Variants in METTL15 observed in about 807,000 individuals in gnomAD.
The protein encoded by METTL15 is methyltransferase 15, mitochondrial 12S rRNA N4-cytidine.
METTL15 carries 34 observed loss-of-function variants against 38.3 expected under a neutral mutation model. The observed-to-expected ratio is 0.89, with a 90% CI of 0.68 to 1.18. The LOEUF is 1.18. Ranked by LOEUF, METTL15 falls within the 50% of genes most tolerant of loss-of-function variation. The pLI, the probability that METTL15 is intolerant of heterozygous loss-of-function variation, is 0.00. For missense variants in METTL15, 438 were observed against 498.4 expected (o/e 0.88, Z 1.15); for synonymous variants, 162 against 170.9 (o/e 0.95, Z 0.41).
intron 4 of METTL15, among the ~76,000 whole-genome samples, chr11:28,228,304 T>A (rs1228885016): frequency 6.6e-6 from 1 of 151,810 alleles, no homozygotes; most frequent in Non-Finnish European, 1.5e-5. Flanking sequence ...GCTTTTTCTT[T>A]TAACTTCAGC....
chr11:28,528,816 A>T (rs1030743922), downstream of METTL15, among the ~76,000 whole-genome samples: 1 of 152,202 alleles, frequency 6.6e-6, no homozygotes, highest in African/African-American at 2.4e-5. Flanking sequence ...TTTAAAATAG[A>T]GGAAATGCTG....
rs1484964935 is a variant in METTL15 at position 28,241,327 on chromosome 11, A to G, written c.407+30129A>G. Among the ~76,000 whole-genome samples, 4 of 152,158 alleles carry G rather than the reference A, an allele frequency of 2.6e-5. No homozygotes were observed. The East Asian group carries it at 5.8e-4, about 22-fold the overall frequency. On this transcript the variant is annotated intron_variant, in intron 4 of 6. Transcript: ENST00000407364. ...GGCAGGCGGATCGCAAGGTCAGGAGATCAAGACCATCCTGGCTAATAAGGT... is the reference window on the plus strand; with the variant it reads ...GGCAGGCGGATCGCAAGGTCAGGAGGTCAAGACCATCCTGGCTAATAAGGT...
intron 6 of METTL15, among the ~76,000 whole-genome samples, chr11:28,320,126 T>A (rs544346348): frequency 6.6e-6 from 1 of 152,214 alleles, no homozygotes; most frequent in South Asian, 2.1e-4. Flanking sequence ...ATTTTTTTAG[T>A]CTATACAATT....
chr11:28,125,697 A>T (rs1852449473), intron 3 of METTL15: 1 of 152,086 alleles, frequency 6.6e-6, no homozygotes, highest in Non-Finnish European at 1.5e-5. Flanking sequence ...TTTTTAACAA[A>T]TTTGATTTTG....
At chr11:28,135,993 TC>T (rs1849501761) in intron 3 of METTL15, among the ~76,000 whole-genome samples, 1 of 152,204 alleles carries the variant, frequency 6.6e-6, no homozygotes, top group African/African-American at 2.4e-5. Context: ...TTCTCTCTAT[TC>T]CAGTGTCCCA....
intron 4 of METTL15, among the ~76,000 whole-genome samples, chr11:28,288,145 A>G (rs188611000): frequency 2.0e-5 from 3 of 152,312 alleles, no homozygotes; most frequent in Non-Finnish European, 2.9e-5. Context: ...AATGGCTGTT[A>G]TTAAAAAGTC....
At chr11:28,510,551 A>G (rs1564951983) in intron 6 of METTL15, among the ~76,000 whole-genome samples, 1 of 152,132 alleles carries the variant, frequency 6.6e-6, no homozygotes, top group Non-Finnish European at 1.5e-5. Flanking sequence ...TAATAGTAGT[A>G]TCAGTGAACA....
At chr11:28,435,780 A>C (rs1352371787) in intron 6 of METTL15, among the ~76,000 whole-genome samples, 1 of 152,222 alleles carries the variant, frequency 6.6e-6, no homozygotes, top group Non-Finnish European at 1.5e-5. Context: ...GCCCTTTTGC[A>C]TAGTAGAGAA....
intron 3 of METTL15, among the ~76,000 whole-genome samples, chr11:28,208,507 G>T (rs985401979): frequency 3.3e-5 from 5 of 151,984 alleles, no homozygotes; most frequent in African/African-American, 1.2e-4. Context: ...TTTTACATTT[G>T]CTGAGGAGAG....
intron 6 of METTL15, among the ~76,000 whole-genome samples, chr11:28,479,082 T>C (rs1490978364): frequency 2.0e-5 from 3 of 152,032 alleles, no homozygotes; most frequent in African/African-American, 4.8e-5. Context: ...TGTGTGTGTG[T>C]GTGTGTGTGT....
At chr11:28,266,534 G>A (rs917755418) in intron 4 of METTL15, among the ~76,000 whole-genome samples, 9 of 152,106 alleles carry the variant, frequency 5.9e-5, no homozygotes, top group East Asian at 1.9e-4. Flanking sequence ...CTTATCTACC[G>A]CTTTTCTCAC....
Position 28,131,741 on chromosome 11 carries a change from G to A in METTL15, c.270+18137G>A, listed in dbSNP as rs770443556. Among the ~76,000 whole-genome samples the A allele has an allele frequency of 3.9e-5, 6 of 152,196 alleles. No homozygotes were observed. In the South Asian group the frequency reaches 8.3e-4, roughly 21 times the overall value. On this transcript the variant is annotated intron_variant, in intron 3 of 6. Transcript: ENST00000407364. ...TTCAAATTGATAAAGTTTTAATAGA[G>A]CCACCTTTGGCCAACTTTAACAGTT...
At chr11:28,275,232 G>A (rs1011677969) in intron 4 of METTL15, among the ~76,000 whole-genome samples, 1 of 150,168 alleles carries the variant, frequency 6.7e-6, no homozygotes, top group Non-Finnish European at 1.5e-5. Flanking sequence ...GACTAACCAA[G>A]AAAAAAAGAC....
chr11:28,292,165 G>C lies in METTL15; in HGVS notation c.599+1768G>C, dbSNP rs539698161. 2.7e-5 allele frequency among the ~76,000 whole-genome samples: 4 copies of C among 150,696 alleles called. No individual in the cohort carries two copies. In the East Asian group the frequency reaches 5.9e-4, roughly 22 times the overall value. ...GGTGGTGTGATGCACCCAGTAACTC[G>C]TCATTTAACATTAGGTATATCTCCT... On this transcript the variant is annotated intron_variant, in intron 5 of 6. Transcript: ENST00000407364.
rs543215696 is a variant in METTL15 at position 28,344,258 on chromosome 11, CTAATAT to C, written c.*190-7830_*190-7825del. ...GCACATATTCACATTATTAAGAATA[CTAATAT>C]TGAGAGACATGGATGACTATGTAAC... On this transcript the variant is annotated intron_variant and NMD_transcript_variant, in intron 3 of 7. Coordinates refer to the METTL15 transcript ENST00000532947. Among the ~76,000 whole-genome samples the C allele has an allele frequency of 1.2e-4, 18 of 152,188 alleles. No individual in the cohort carries two copies. The East Asian group carries it at 3.1e-3, about 26-fold the overall frequency.
chr11:28,277,794 G>A (rs1855900136), intron 4 of METTL15, among the ~76,000 whole-genome samples: 1 of 152,122 alleles, frequency 6.6e-6, no homozygotes, highest in South Asian at 2.1e-4. Context: ...AATAAGCTGG[G>A]CACATAAAGA....
intron 6 of METTL15, among the ~76,000 whole-genome samples, chr11:28,298,131 A>C (rs1402600254): frequency 6.6e-6 from 1 of 152,060 alleles, no homozygotes; most frequent in African/African-American, 2.4e-5. Flanking sequence ...GGTTATATGA[A>C]CATAAAATAT....
At chr11:28,109,876 C>T (rs1851644116) in intron 1 of METTL15, among the ~76,000 whole-genome samples, 1 of 152,156 alleles carries the variant, frequency 6.6e-6, no homozygotes, top group Non-Finnish European at 1.5e-5. Flanking sequence ...TTGGTTAAAG[C>T]AGAGAGATTT....
At chr11:28,274,806 G>A (rs972222145) in intron 4 of METTL15, among the ~76,000 whole-genome samples, 4 of 151,898 alleles carry the variant, frequency 2.6e-5, no homozygotes, top group African/African-American at 9.7e-5. Context: ...TAGGATAAGA[G>A]GGATAGCATT....
Sources: gnomAD v4.1 joint callset for allele counts (sites outside exome capture counted in the v4.1 genomes callset) on GRCh38, gnomAD v4.1.1 for gene constraint, MANE v1.5 for transcripts, NCBI Gene and HGNC (gene_info 2026-07-23, HGNC 2026-07-21) for gene names.